Variants in SECISBP2 observed in about 807,000 individuals in gnomAD.
SECISBP2 encodes selenocysteine insertion sequence-binding protein 2.
A neutral mutation model predicts 98.2 loss-of-function variants in SECISBP2; 96 were observed. The observed-to-expected ratio is 0.98, with a 90% confidence interval of 0.83 to 1.16. The LOEUF (loss-of-function observed/expected upper bound fraction) is 1.16. SECISBP2 is among the 50% of genes most tolerant of loss of function. SECISBP2 has a pLI of 0.00. For synonymous variants in SECISBP2, 407 were observed against 370.2 expected (o/e 1.10, Z -1.14); for missense variants, 1,046 against 1,022.9 (o/e 1.02, Z -0.31).
In SECISBP2 at chr9:89,357,711, C is replaced by G. The variant is rs1588026605; in HGVS notation, c.2268+146C>G. On this transcript the variant is annotated intron_variant, in intron 15 of 16. Transcript: ENST00000375807. ...GGAGCCACCACTTAGGCAGAACCTT[C>G]TTATAAAAAAGTAGCCTTTGTCTCC... 6.8e-6 allele frequency: 7 copies of G among 1,026,574 alleles called. No individual in the cohort carries two copies. In the East Asian group the frequency reaches 7.3e-5, roughly 11 times the overall value. 63.6% of individuals were successfully genotyped at this position (1,026,574 alleles called of 1,614,324 possible).
intron 10 of SECISBP2, among the ~76,000 whole-genome samples, chr9:89,343,610 C>T (rs963692272): frequency 1.3e-5 from 2 of 152,166 alleles, no homozygotes; most frequent in African/African-American, 4.8e-5. Context: ...TTTTCTGTTC[C>T]TGCGTTAGTT....
chr9:89,328,727 T>C lies in SECISBP2; in HGVS notation c.642T>C (p.Pro214=). ...CAAAAAATGTATCTACCTCCAAACCTGAGTTTGAATTTACCACACTGGACT... is the reference window on the plus strand; with the variant it reads ...CAAAAAATGTATCTACCTCCAAACCCGAGTTTGAATTTACCACACTGGACT... ...IIAKNVSTSK[P]EFEFTTLDFP... The change falls in exon 5 of 17, where the codon CCT becomes CCC. Residue 214 remains proline (P), a synonymous_variant. Transcript: ENST00000375807. The C allele has an allele frequency of 6.2e-7, 1 of 1,613,924 alleles. No individual in the cohort carries two copies. The highest frequency in any genetic ancestry group is 2.2e-5 in the East Asian group (1 of 44,884).
intron 5 of SECISBP2, chr9:89,329,859 C>T (rs987343150): frequency 6.6e-6 from 1 of 152,132 alleles, no homozygotes; most frequent in Non-Finnish European, 1.5e-5. Context: ...AGCCCATTTT[C>T]AACACGCTAC....
intron 9 of SECISBP2, among the ~76,000 whole-genome samples, chr9:89,340,786 T>C (rs1455144954): frequency 6.6e-6 from 1 of 152,234 alleles, no homozygotes; most frequent in East Asian, 1.9e-4. Context: ...CTGGGCTTCC[T>C]TGTACAACTT....
intron 7 of SECISBP2, among the ~76,000 whole-genome samples, chr9:89,335,124 G>C (rs57786759): frequency 1.1e-3 from 165 of 151,686 alleles, no homozygotes; most frequent in African/African-American, 3.9e-3. Context: ...GCTGAGACAG[G>C]AGAATGGCAT....
chr9:89,342,391 C>T (rs1474554780), intron 10 of SECISBP2, among the ~76,000 whole-genome samples: 1 of 152,114 alleles, frequency 6.6e-6, no homozygotes, highest in African/African-American at 2.4e-5. Flanking sequence ...CTTAACAATG[C>T]TCAATGCAGT....
At chr9:89,319,501 C>T in intron 1 of SECISBP2, 151 bp from the exon 2 acceptor site, 1 of 827,526 alleles carries the variant, frequency 1.2e-6, no homozygotes, top group Non-Finnish European at 2.0e-6. Context: ...AAATCGTTAG[C>T]AAGCAGGTTC....
At chr9:89,353,015 G>A (rs1386113268) in intron 14 of SECISBP2, among the ~76,000 whole-genome samples, 3 of 151,804 alleles carry the variant, frequency 2.0e-5, no homozygotes, top group Admixed American at 1.3e-4. Context: ...AGTTGTCTGC[G>A]CCTACTTAAG....
In SECISBP2 at chr9:89,358,183, C is replaced by T. The variant is rs1358749948; in HGVS notation, c.2453C>T (p.Pro818Leu). The change falls in exon 16 of 17, where the codon CCA becomes CTA. Residue 818 changes from proline to leucine, a missense_variant. Coordinates refer to ENST00000375807, the MANE Select transcript of SECISBP2 (RefSeq NM_024077.5). ...GPPALKEKEE[P>L]HYIEIWKKHL... The stretch of plus-strand genomic sequence containing the variant: ...CCAGCCCTGAAAGAAAAAGAAGAGC[C>T]ACACTACAGTGAGTGCTTAAGGGAG... 6.2e-7 allele frequency: 1 copy of T among 1,612,562 alleles called. No individual in the cohort carries two copies. Among genetic ancestry groups the T allele is most frequent in the East Asian group, 2.2e-5 (1 of 44,852 alleles).
At chr9:89,322,733 G>A (rs988127506) in intron 2 of SECISBP2, 13 of 152,254 alleles carry the variant, frequency 8.5e-5, no homozygotes, top group Admixed American at 5.2e-4. Context: ...TCGGTGGGTG[G>A]AGGAGAAACT....
At chr9:89,352,810 T>G (rs1469272794) in intron 14 of SECISBP2, among the ~76,000 whole-genome samples, 1 of 152,170 alleles carries the variant, frequency 6.6e-6, no homozygotes, top group Non-Finnish European at 1.5e-5. Context: ...TTTTATTTTT[T>G]GGGAGCTGTT....
At chr9:89,325,864 T>C in intron 3 of SECISBP2, 33 bp from the exon 4 acceptor site, 1 of 1,613,218 alleles carries the variant, frequency 6.2e-7, no homozygotes, top group Admixed American at 1.7e-5. Context: ...AGTGGTGGTT[T>C]TATTTCATGT....
At chr9:89,364,093 T>C (rs561505676), downstream of SECISBP2, 25 of 1,539,816 alleles carry the variant, frequency 1.6e-5, no homozygotes, top group South Asian at 2.8e-4. Context: ...TCCCTGGGAC[T>C]GCCCTGGAGG....
chr9:89,342,476 G>A (rs1039125374), intron 10 of SECISBP2, among the ~76,000 whole-genome samples: 3 of 152,154 alleles, frequency 2.0e-5, no homozygotes, highest in African/African-American at 7.2e-5. Context: ...TTACACTGGG[G>A]TTTGTTATGG....
At chr9:89,337,042 G>C (rs1828864378) in intron 7 of SECISBP2, among the ~76,000 whole-genome samples, 2 of 152,194 alleles carry the variant, frequency 1.3e-5, no homozygotes, top group South Asian at 4.1e-4. Flanking sequence ...CCCAAATGCT[G>C]GGATTACAGG....
intron 8 of SECISBP2, 42 bp downstream of exon 8, chr9:89,338,622 TG>T: frequency 6.3e-7 from 1 of 1,587,482 alleles, no homozygotes. Flanking sequence ...ATATAATAAG[TG>T]GGTCTTTCTT....
chr9:89,345,026 A>T (rs1024891838), intron 10 of SECISBP2, among the ~76,000 whole-genome samples: 2 of 152,192 alleles, frequency 1.3e-5, no homozygotes, highest in Non-Finnish European at 2.9e-5. Flanking sequence ...TTCCTTTGGT[A>T]TTAGTGACAC....
rs1832512053 is a variant in SECISBP2, at chr9:89,358,855, T to C, written c.*31T>C. 2 of 1,434,352 alleles carry C rather than the reference T, an allele frequency of 1.4e-6. No homozygotes were observed. Among genetic ancestry groups the C allele is most frequent in the Admixed American group, 1.7e-5 (1 of 59,440 alleles). The allele number at this position is 1,434,352 out of a possible 1,614,324, so 88.9% of individuals were successfully genotyped here. A position where few individuals can be genotyped will look rare whatever the true frequency, so the allele number is the denominator to read the frequency against. The stretch of plus-strand genomic sequence containing the variant: ...CTTGCCTGTGTGTCTGTATTTTGGG[T>C]AAGGAGGGGAGGTCTGAAAAAGACT... On this transcript the variant is annotated 3_prime_UTR_variant, in exon 17 of 17. Transcript: ENST00000375807.
chr9:89,347,465 C>CTT (rs1184563393), intron 11 of SECISBP2, among the ~76,000 whole-genome samples: 3,583 of 87,110 alleles, frequency 0.041, 89 homozygotes, highest in Middle Eastern at 0.069. Context: ...CCGGTGAATT[C>CTT]TTTTTTTTTT....
Sources: gnomAD v4.1 joint callset for allele counts (sites outside exome capture counted in the v4.1 genomes callset) on GRCh38, gnomAD v4.1.1 for gene constraint, MANE v1.5 for transcripts, NCBI Gene and HGNC (gene_info 2026-07-23, HGNC 2026-07-21) for gene names.